Variants in DEUP1 observed in about 807,000 individuals in gnomAD.
The protein encoded by DEUP1 is deuterosome assembly protein 1.
Under a neutral mutation model 87.4 loss-of-function variants are expected in DEUP1, and 82 were observed. The observed-to-expected ratio is 0.94, with a 90% CI of 0.78 to 1.13. DEUP1 has a LOEUF of 1.13. DEUP1 is among the 50% of genes most tolerant of loss of function. DEUP1 has a pLI of 0.00. For missense variants in DEUP1, 663 were observed against 681.5 expected, an observed-to-expected ratio of 0.97 and a Z score of 0.30; for synonymous variants, 214 against 222.7, an observed-to-expected ratio of 0.96 and a Z score of 0.35.
chr11:93,340,329 G>T (rs190476185), intron 2 of DEUP1, among the ~76,000 whole-genome samples: 69 of 152,294 alleles, frequency 4.5e-4, no homozygotes, highest in Non-Finnish European at 7.3e-4. Context: ...CAAAAGCAAA[G>T]CTTCTGCAAC....
At chr11:93,364,537 A>G (rs1199351372) in intron 5 of DEUP1, among the ~76,000 whole-genome samples, 1 of 151,924 alleles carries the variant, frequency 6.6e-6, no homozygotes, top group Admixed American at 6.6e-5. Flanking sequence ...TAAAAAAAAA[A>G]GAGCCAAAAA....
chr11:93,357,807 G>A (rs1352999607), intron 4 of DEUP1, among the ~76,000 whole-genome samples: 2 of 152,054 alleles, frequency 1.3e-5, no homozygotes, highest in Non-Finnish European at 2.9e-5. Flanking sequence ...TTTTAAATAC[G>A]TTTTAGGAGG....
At chr11:93,354,989 G>A (rs1367568218) in intron 2 of DEUP1, among the ~76,000 whole-genome samples, 3 of 152,076 alleles carry the variant, frequency 2.0e-5, no homozygotes, top group Non-Finnish European at 4.4e-5. Flanking sequence ...TTGCTCTTCT[G>A]TCCTTAACAG....
At chr11:93,435,864 C>T (rs957666739) in intron 13 of DEUP1, among the ~76,000 whole-genome samples, 11 of 152,040 alleles carry the variant, frequency 7.2e-5, no homozygotes, top group African/African-American at 1.4e-4. Flanking sequence ...GGAGTGGTGG[C>T]GGGCGCCTGT....
At chr11:93,429,558 C>T (rs1948039563) in intron 13 of DEUP1, among the ~76,000 whole-genome samples, 1 of 152,190 alleles carries the variant, frequency 6.6e-6, no homozygotes, top group Non-Finnish European at 1.5e-5. Flanking sequence ...AACCAGTCCA[C>T]AATAGCACCT....
chr11:93,360,259 G>A (rs989221152), intron 4 of DEUP1, among the ~76,000 whole-genome samples: 3 of 152,158 alleles, frequency 2.0e-5, no homozygotes, highest in Non-Finnish European at 4.4e-5. Flanking sequence ...TGAAGACTTG[G>A]ACATCCACTA....
chr11:93,331,070 T>G (rs1943448603), intron 1 of DEUP1, among the ~76,000 whole-genome samples: 1 of 152,216 alleles, frequency 6.6e-6, no homozygotes. Context: ...TTCCCTGACG[T>G]TTAAGTGAGA....
chr11:93,397,929 T>G (rs1319916767), intron 11 of DEUP1, among the ~76,000 whole-genome samples: 2 of 152,134 alleles, frequency 1.3e-5, no homozygotes, highest in African/African-American at 4.8e-5. Flanking sequence ...ACATAATTTT[T>G]TATAAATTTA....
chr11:93,435,879 C>T (rs1168740323), intron 13 of DEUP1, among the ~76,000 whole-genome samples: 1 of 151,888 alleles, frequency 6.6e-6, no homozygotes, highest in Non-Finnish European at 1.5e-5. Context: ...GCCTGTAGTC[C>T]CAGCTACTCG....
At chr11:93,416,100 A>T (rs1042919290) in intron 13 of DEUP1, among the ~76,000 whole-genome samples, 18 of 152,292 alleles carry the variant, frequency 1.2e-4, no homozygotes, top group South Asian at 4.1e-4. Flanking sequence ...GCCAATGAAT[A>T]TCTCAAGTAG....
chr11:93,437,753 ACCCCCGC>A lies in DEUP1; in HGVS notation c.*36_*42del. On this transcript the variant is annotated 3_prime_UTR_variant, in exon 14 of 14. Coordinates refer to ENST00000298050, the MANE Select transcript of DEUP1 (RefSeq NM_181645.4). ...ACTTTTTTATTTGCTTCCCCCCCCC[ACCCCCGC>A]CAAGAAAAAAAGCTCTGGCAAAATA... 1 of 871,322 alleles carries A rather than the reference ACCCCCGC, an allele frequency of 1.1e-6. No individual in the cohort carries two copies. Among genetic ancestry groups the A allele is most frequent in the Admixed American group, 3.0e-5 (1 of 33,316 alleles). The allele number at this position is 871,322 out of a possible 1,614,324, so 54.0% of individuals were successfully genotyped here.
At chr11:93,349,033 G>C (rs1036923273) in intron 2 of DEUP1, among the ~76,000 whole-genome samples, 2 of 152,150 alleles carry the variant, frequency 1.3e-5, no homozygotes, top group Non-Finnish European at 2.9e-5. Flanking sequence ...AGACCTCTGT[G>C]ATAGCCTACC....
rs1339556900 is a variant in DEUP1 at position 93,373,621 on chromosome 11, ATACG to A, written c.789+2344_789+2347del. Among the ~76,000 whole-genome samples the A allele has an allele frequency of 8.7e-3, 283 of 32,704 alleles. 1 individual carries two copies. The highest frequency in any genetic ancestry group is 0.02 in the Middle Eastern group (1 of 50). 21.5% of individuals were successfully genotyped at this position (32,704 alleles called of 152,430 possible). A position where few individuals can be genotyped will look rare whatever the true frequency, so the allele number is the denominator to read the frequency against. On this transcript the variant is annotated intron_variant, in intron 7 of 13. Transcript: ENST00000298050. ...TATATATATTTATATATGTATATAT[ATACG>A]TATATATATATATATATATATATAT...
At chr11:93,363,015 A>T (rs1174539069) in intron 4 of DEUP1, among the ~76,000 whole-genome samples, 1 of 151,906 alleles carries the variant, frequency 6.6e-6, no homozygotes, top group Non-Finnish European at 1.5e-5. Flanking sequence ...ATGTCTCAAT[A>T]TATGAATGGT....
chr11:93,331,170 T>C (rs77137037), intron 1 of DEUP1, among the ~76,000 whole-genome samples: 1 of 65,664 alleles, frequency 1.5e-5, no homozygotes, highest in African/African-American at 5.3e-5. Context: ...TCTGTCTCTC[T>C]TAATTCCAGG....
intron 7 of DEUP1, among the ~76,000 whole-genome samples, chr11:93,383,835 A>G (rs1156930233): frequency 6.6e-6 from 1 of 152,058 alleles, no homozygotes; most frequent in Non-Finnish European, 1.5e-5. Flanking sequence ...AGTGGAAGGG[A>G]TTATTTTTTC....
intron 5 of DEUP1, among the ~76,000 whole-genome samples, chr11:93,367,246 T>G (rs1354727213): frequency 2.6e-5 from 4 of 152,188 alleles, no homozygotes; most frequent in African/African-American, 9.7e-5. Context: ...TCACTGATTG[T>G]TTAGGCACTT....
At chr11:93,373,634 T>TGC (rs1945877375) in intron 7 of DEUP1, among the ~76,000 whole-genome samples, 1 of 143,736 alleles carries the variant, frequency 7.0e-6, no homozygotes, top group African/African-American at 2.5e-5. Context: ...CGTATATATA[T>TGC]ATATATATAT....
chr11:93,330,944 G>A (rs2134845070), intron 1 of DEUP1, among the ~76,000 whole-genome samples, 172 bp downstream of exon 1: 1 of 152,378 alleles, frequency 6.6e-6, no homozygotes, highest in South Asian at 2.1e-4. Flanking sequence ...GGGGACAGAG[G>A]CTGGGAGGGG....
Sources: allele counts gnomAD v4.1 joint callset (sites outside exome capture counted in the v4.1 genomes callset), GRCh38; gene constraint gnomAD v4.1.1; transcripts MANE v1.5; gene names NCBI Gene and HGNC (gene_info 2026-07-23, HGNC 2026-07-21).